CRYM: variants seen among roughly 807,000 people sequenced by gnomAD.
CRYM encodes crystallin mu.
In CRYM, 18 loss-of-function variants were observed where a neutral mutation model predicts 32.9. The observed-to-expected ratio is 0.55, with a 90% CI of 0.38 to 0.81. The LOEUF (loss-of-function observed/expected upper bound fraction) is 0.81, where lower values mean the gene tolerates loss of function less well. CRYM is among the 30% of genes least tolerant of loss of function. The pLI, the probability that CRYM is intolerant of heterozygous loss-of-function variation, is 0.00. For missense variants in CRYM, 337 were observed against 393.5 expected (o/e 0.86, Z 1.21); for synonymous variants, 153 against 152.4 (o/e 1.00, Z -0.03).
intron 5 of CRYM, among the ~76,000 whole-genome samples, chr16:21,264,271 T>C (rs1212840803): frequency 1.3e-5 from 2 of 152,174 alleles, no homozygotes; most frequent in African/African-American, 4.8e-5. Context: ...CATAAGCTGG[T>C]GGGAACAAAA....
At chr16:21,293,913 T>A (rs1165901655) in intron 1 of CRYM, among the ~76,000 whole-genome samples, 1 of 152,206 alleles carries the variant, frequency 6.6e-6, no homozygotes, top group Non-Finnish European at 1.5e-5. Flanking sequence ...AATACTTCAA[T>A]TGATGAAAAT....
intron 1 of CRYM, among the ~76,000 whole-genome samples, chr16:21,288,754 AAC>A (rs543021531): frequency 1.6e-4 from 25 of 152,286 alleles, no homozygotes; most frequent in African/African-American, 6.0e-4. Flanking sequence ...GAAAAAACTA[AAC>A]TGCTTTTCTT....
At chr16:21,270,725 C>T (rs2093373721) in intron 3 of CRYM, among the ~76,000 whole-genome samples, 1 of 152,166 alleles carries the variant, frequency 6.6e-6, no homozygotes, top group Non-Finnish European at 1.5e-5. Context: ...CTAAGAGCTG[C>T]CTGGATTCTG....
At chr16:21,266,353 T>C (rs1315145986) in intron 5 of CRYM, among the ~76,000 whole-genome samples, 1 of 152,194 alleles carries the variant, frequency 6.6e-6, no homozygotes, top group African/African-American at 2.4e-5. Context: ...TGGTTATAAG[T>C]ATTAAATGAC....
In CRYM at chr16:21,288,488, CT is replaced by C. The variant is rs1455987142; in HGVS notation, c.-192-9529del. Among the ~76,000 whole-genome samples the C allele has an allele frequency of 5.1e-5, 7 of 136,276 alleles. No homozygotes were observed. The East Asian group carries it at 1.5e-3, about 30-fold the overall frequency. The allele number at this position is 136,276 out of a possible 152,430, so 89.4% of individuals were successfully genotyped here. A position where few individuals can be genotyped will look rare whatever the true frequency, so the allele number is the denominator to read the frequency against. Reference sequence around the variant, plus strand: ...GGTAGTAATGTCTTCTCTTAGTTTCCTGATTTTAATAATTTGAGGCTTCTTT... The same window carrying C: ...GGTAGTAATGTCTTCTCTTAGTTTCCGATTTTAATAATTTGAGGCTTCTTT... On this transcript the variant is annotated intron_variant, in intron 1 of 9. Coordinates refer to the CRYM transcript ENST00000219599.
chr16:21,276,615 G>A (rs1260452267), intron 2 of CRYM, among the ~76,000 whole-genome samples: 1 of 152,128 alleles, frequency 6.6e-6, no homozygotes, highest in African/African-American at 2.4e-5. Flanking sequence ...TGGGGGGAAG[G>A]GGAGTTAATA....
At chr16:21,300,562 G>C (rs1960886954) in intron 1 of CRYM, 1 of 150,428 alleles carries the variant, frequency 6.6e-6, no homozygotes, top group Admixed American at 6.6e-5. Flanking sequence ...TGCCCTACAC[G>C]TGAGTCCCAA....
At chr16:21,261,462 AAAG>A in intron 6 of CRYM, 124 bp from the exon 7 acceptor site, 4 of 727,204 alleles carry the variant, frequency 5.5e-6, no homozygotes, top group African/African-American at 1.8e-5. Context: ...AAAAAAAAAA[AAAG>A]AGAGAGATCC....
At chr16:21,263,526 C>A (rs1216813754) in intron 5 of CRYM, among the ~76,000 whole-genome samples, 2 of 152,166 alleles carry the variant, frequency 1.3e-5, no homozygotes, top group South Asian at 4.1e-4. Flanking sequence ...CCTCTCCTCA[C>A]CCCCGGTTCT....
At chr16:21,281,786 C>A (rs71374855), upstream of CRYM, among the ~76,000 whole-genome samples, 2,301 of 152,304 alleles carry the variant, frequency 0.015, 37 homozygotes, top group Non-Finnish European at 0.021. Flanking sequence ...GCTGCAACCA[C>A]CCCAAAATGA....
rs2093389817 is a variant in CRYM at position 21,277,704 on chromosome 16, C to T, written c.171-120G>A. 9 of 1,080,494 alleles carry T rather than the reference C, an allele frequency of 8.3e-6. No homozygotes were observed. In the Admixed American group the frequency reaches 1.8e-4, roughly 21 times the overall value. 66.9% of individuals were successfully genotyped at this position (1,080,494 alleles called of 1,614,324 possible). On this transcript the variant is annotated intron_variant, in intron 1 of 7. Transcript: ENST00000572914. The surrounding 1 kb of genome is among the most constrained non-coding windows in gnomAD (Gnocchi z 4.2). ...ACCACCCCACTGGCCCTCTTCCAGC[C>T]CCCGCATCCCTCTGCCCTTCCCTTA... is the stretch of plus-strand genomic sequence containing the variant.
intron 1 of CRYM, among the ~76,000 whole-genome samples, chr16:21,299,296 G>GTTTT (rs202208810): frequency 6.8e-6 from 1 of 147,238 alleles, no homozygotes; most frequent in Non-Finnish European, 1.5e-5. Flanking sequence ...TAGGCTTTTA[G>GTTTT]TTTTTTTTTT....
chr16:21,294,205 C>T (rs1015938299), intron 1 of CRYM, among the ~76,000 whole-genome samples: 3 of 152,180 alleles, frequency 2.0e-5, no homozygotes, highest in African/African-American at 2.4e-5. Context: ...TGATTTTACA[C>T]GCCCTTGCCC....
chr16:21,296,519 A>T (rs1960791174), intron 1 of CRYM, among the ~76,000 whole-genome samples: 1 of 152,228 alleles, frequency 6.6e-6, no homozygotes, highest in Non-Finnish European at 1.5e-5. Flanking sequence ...TGAAAGGGCA[A>T]CCAGTATACC....
In CRYM at chr16:21,277,296, G is replaced by C. The variant is rs904928353; in HGVS notation, c.324+135C>G. On this transcript the variant is annotated intron_variant, in intron 2 of 7. Transcript: ENST00000572914. This position sits in a 1 kb window ranked among gnomAD's most constrained non-coding sequence, Gnocchi z 4.2. ...TACATGGACACAGATAACCTTCACT[G>C]TTGCTGGTATCCAGTCACTTGCAGA... 1.1e-6 allele frequency: 1 copy of C among 906,946 alleles called. No homozygotes were observed. The highest frequency in any genetic ancestry group is 2.0e-5 in the Admixed American group (1 of 49,070). The allele number at this position is 906,946 out of a possible 1,614,324, so 56.2% of individuals were successfully genotyped here. A position where few individuals can be genotyped will look rare whatever the true frequency, so the allele number is the denominator to read the frequency against.
chr16:21,277,491 G>T lies in CRYM; in HGVS notation c.264C>A (p.Val88=). Residue 88 remains valine, a synonymous_variant, in exon 2 of 8, where the codon GTC becomes GTA. Coordinates refer to ENST00000572914, the MANE Select transcript of CRYM (RefSeq NM_001376256.1). This position sits in a 1 kb window ranked among gnomAD's most constrained non-coding sequence, Gnocchi z 4.2. ...TFYEDRGITS[V]VPSHQATVLL... ...GCACAGTAGCCTGGTGGGAAGGGACGACCGAGGTGATGCCGCGGTCCTCGT... is the reference window on the plus strand; with the variant it reads ...GCACAGTAGCCTGGTGGGAAGGGACTACCGAGGTGATGCCGCGGTCCTCGT... 6.2e-7 allele frequency: 1 copy of T among 1,613,828 alleles called. No homozygotes were observed. Among genetic ancestry groups the T allele is most frequent in the Non-Finnish European group, 8.5e-7 (1 of 1,179,986 alleles).
intron 1 of CRYM, among the ~76,000 whole-genome samples, chr16:21,297,645 A>G (rs1337855764): frequency 6.6e-6 from 1 of 152,222 alleles, no homozygotes; most frequent in African/African-American, 2.4e-5. Context: ...TTTCTGTATC[A>G]TGAATATAAC....
upstream of CRYM, chr16:21,278,394 G>A (rs2093392095): frequency 1.0e-6 from 1 of 978,344 alleles, no homozygotes; most frequent in Non-Finnish European, 1.5e-6. Flanking sequence ...ACCCCGCCCC[G>A]CCCCGCCAGC....
rs773850403 is a variant in CRYM at position 21,278,178 on chromosome 16, G to A, written c.74C>T (p.Pro25Leu). The change falls in exon 1 of 8, where the codon CCG becomes CTG. Residue 25 changes from proline (P) to leucine (L), a missense_variant. By Grantham distance (98) the Pro-to-Leu change is moderately conservative. Transcript: ENST00000572914. ...EHLRSSSLLIPPLETALANFS... is the reference protein window; with the variant it reads ...EHLRSSSLLILPLETALANFS... ...GTTGGCCAGGGCCGTCTCTAGAGGC[G>A]GGATGAGGAGGCTGGAGCTGCGGAG... 6.4e-7 allele frequency: 1 copy of A among 1,552,886 alleles called. No individual in the cohort carries two copies. Among genetic ancestry groups the A allele is most frequent in the South Asian group, 1.2e-5 (1 of 84,294 alleles).
Sources: allele counts gnomAD v4.1 joint callset (sites outside exome capture counted in the v4.1 genomes callset), GRCh38; gene constraint gnomAD v4.1.1; non-coding constraint Gnocchi (gnomAD v3.1); transcripts MANE v1.5; gene names NCBI Gene and HGNC (gene_info 2026-07-23, HGNC 2026-07-21).